Variants in MST1R observed in about 807,000 individuals in gnomAD.
MST1R encodes the protein macrophage-stimulating protein receptor.
Under a neutral mutation model 117.8 loss-of-function variants are expected in MST1R, and 99 were observed. The observed-to-expected ratio is 0.84, with a 90% CI of 0.71 to 0.99. MST1R has a LOEUF of 0.99. Ranked by LOEUF, MST1R falls within the 50% of genes least tolerant of loss-of-function variation. The pLI is 0.00. For synonymous variants in MST1R, 734 were observed against 765.3 expected, an observed-to-expected ratio of 0.96 and a Z score of 0.68; for missense variants, 1,683 against 1,840.2, an observed-to-expected ratio of 0.91 and a Z score of 1.56.
chr3:49,897,994 G>A (rs1312190913), intron 5 of MST1R, 57 bp downstream of exon 5: 3 of 1,610,748 alleles, frequency 1.9e-6, no homozygotes, highest in Admixed American at 1.7e-5. Context: ...GTCTCATGGG[G>A]AAGGGGCTGC....
chr3:49,891,115 G>T, intron 17 of MST1R, 82 bp downstream of exon 17: 2 of 1,240,742 alleles, frequency 1.6e-6, no homozygotes, highest in Non-Finnish European at 2.3e-6. Context: ...GCTGGAGTGG[G>T]CCCTTCCCTG....
chr3:49,896,928 T>C, intron 7 of MST1R, 38 bp from the exon 8 acceptor site: 1 of 1,458,614 alleles, frequency 6.9e-7, no homozygotes, highest in Non-Finnish European at 9.1e-7. Context: ...GTTACCCTCT[T>C]TGTGATGGCC....
Position 49,891,075 on chromosome 3 carries a change from A to G in MST1R, c.3644+122T>C, listed in dbSNP as rs1575424936. The G allele has an allele frequency of 1.5e-5, 14 of 924,854 alleles. No homozygotes were observed. In the East Asian group the frequency reaches 3.5e-4, roughly 23 times the overall value. 57.3% of individuals were successfully genotyped at this position (924,854 alleles called of 1,614,324 possible). A position where few individuals can be genotyped will look rare whatever the true frequency, so the allele number is the denominator to read the frequency against. On this transcript the variant is annotated intron_variant, in intron 17 of 19. Transcript: ENST00000296474. ...TCCAAGTCTGCACTGGGCAGACAAA[A>G]AAAGTAAGGTGCAGAGAGGGGAGGA...
In MST1R at chr3:49,897,397, A is replaced by C; in HGVS notation, c.2066T>G (p.Val689Gly). The change falls in exon 7 of 20, where the codon GTG becomes GGG. Residue 689 changes from valine (V) to glycine (G), a missense_variant. Val to Gly is a moderately radical substitution (Grantham distance 109, BLOSUM62 -3). Coordinates refer to ENST00000296474, the MANE Select transcript of MST1R (RefSeq NM_002447.4). ...FSFMEPVLIA[V>G]QPLFGPRAGG... ...TGCCCGTGGGCCAAAGAGGGGTTGC[A>C]CTGCTATCAGCACTGGCTCCTAAGA... The C allele has an allele frequency of 1.2e-6, 2 of 1,613,682 alleles. No individual in the cohort carries two copies. Among genetic ancestry groups the C allele is most frequent in the Non-Finnish European group, 1.7e-6 (2 of 1,179,836 alleles).
rs1354570477 is a variant in MST1R at position 49,896,452 on chromosome 3, T to C, written c.2440-48A>G. 8 of 1,606,158 alleles carry C rather than the reference T, an allele frequency of 5.0e-6. No individual in the cohort carries two copies. The South Asian group carries it at 7.7e-5, about 16-fold the overall frequency. ...GATTAGCCAGGAACCCCACCTGTGA[T>C]TGCTCCTCGCCTCAGCCCAGCACGA... On this transcript the variant is annotated intron_variant, in intron 9 of 19. Transcript: ENST00000296474.
chr3:49,896,626 G>A lies in MST1R; in HGVS notation c.2353C>T (p.His785Tyr), dbSNP rs199894526. ...AGATGCTGGCCACAGATGGTGATGT[G>A]GGAGTTGCTGTGGAAGAGGGTAGGG... ...ISPNCGYINS[H>Y]ITICGQHLTS... is the part of the protein sequence containing the mutation. The change falls in exon 9 of 20, where the codon CAC (histidine) becomes TAC (tyrosine). Residue 785 changes from histidine to tyrosine, a missense_variant. Transcript: ENST00000296474. 388 of 1,614,032 alleles carry A rather than the reference G, an allele frequency of 2.4e-4. 1 individual carries two copies. Among genetic ancestry groups the A allele is most frequent in the Middle Eastern group, 3.3e-4 (2 of 6,084 alleles).
Position 49,895,723 on chromosome 3 carries a change from TTCC to T in MST1R, c.2951_2953del (p.Arg984del), listed in dbSNP as rs1413506170. 6.2e-6 allele frequency: 10 copies of T among 1,612,286 alleles called. No individual in the cohort carries two copies. The African/African-American group carries it at 1.2e-4, about 19-fold the overall frequency. ...AGGAGCAGAGAACTCACCTAGCTGC[TTCC>T]TCCGCCACCAGTAGCTGAAGACCAG... On this transcript the variant is annotated inframe_deletion, in exon 12 of 20. Transcript: ENST00000296474.
In MST1R at chr3:49,895,200, C is replaced by T; in HGVS notation, c.3238G>A (p.Val1080Met). 6.2e-7 allele frequency: 1 copy of T among 1,614,186 alleles called. No individual in the cohort carries two copies. Among genetic ancestry groups the T allele is most frequent in the Non-Finnish European group, 8.5e-7 (1 of 1,180,040 alleles). ...VKDVLIPHER[V>M]VTHSDRVIGK... ...ATGACTCGGTCACTGTGGGTGACCA[C>T]CCGCTCATGGGGAATCAGCACATCC... The change falls in exon 14 of 20, where the codon GTG (valine) becomes ATG (methionine). Residue 1080 changes from valine (V) to methionine (M), a missense_variant. Transcript: ENST00000296474.
Position 49,887,568 on chromosome 3 carries a change from G to T in MST1R, c.3948-6C>A. On this transcript the variant is annotated splice_polypyrimidine_tract_variant and splice_region_variant and intron_variant, in intron 19 of 19. Coordinates refer to ENST00000296474, the MANE Select transcript of MST1R (RefSeq NM_002447.4). ...ATTGCTGCATCACTTGGTACCTGTT[G>T]GGGGAAAGGGATGTCAGGTTAAGGC... 1.2e-6 allele frequency: 2 copies of T among 1,612,992 alleles called. No individual in the cohort carries two copies. Among genetic ancestry groups the T allele is most frequent in the Non-Finnish European group, 1.7e-6 (2 of 1,179,346 alleles).
chr3:49,888,225 A>G (rs952053850), intron 19 of MST1R, among the ~76,000 whole-genome samples: 3 of 151,672 alleles, frequency 2.0e-5, no homozygotes, highest in African/African-American at 4.8e-5. Flanking sequence ...TCACGAGGTC[A>G]GGAGATCGAG....
At chr3:49,890,199 C>T (rs1373300272) in intron 18 of MST1R, 139 bp from the exon 19 acceptor site, 8 of 1,114,372 alleles carry the variant, frequency 7.2e-6, no homozygotes, top group African/African-American at 4.7e-5. Flanking sequence ...TTCCTCAATA[C>T]ATCACCTGTG....
intron 19 of MST1R, 49 bp downstream of exon 19, chr3:49,889,875 A>G: frequency 6.2e-7 from 1 of 1,609,964 alleles, no homozygotes; most frequent in Non-Finnish European, 8.5e-7. Flanking sequence ...TGTCTCTTCC[A>G]TGTCTCTGGG....
chr3:49,899,301 GCCTTGTGC>G (rs2082589765), intron 1 of MST1R, 38 bp from the exon 2 acceptor site: 1 of 1,609,706 alleles, frequency 6.2e-7, no homozygotes, highest in Non-Finnish European at 8.5e-7. Context: ...TCAGGGTTCA[GCCTTGTGC>G]CCCGACCCTC....
chr3:49,890,206 T>C (rs2108374261), intron 18 of MST1R, 146 bp from the exon 19 acceptor site: 1 of 1,082,826 alleles, frequency 9.2e-7, no homozygotes, highest in Non-Finnish European at 1.3e-6. Context: ...ATACATCACC[T>C]GTGTCTTTCC....
intron 18 of MST1R, 42 bp from the exon 19 acceptor site, chr3:49,890,102 T>C: frequency 6.5e-7 from 1 of 1,546,650 alleles, no homozygotes; most frequent in African/African-American, 1.4e-5. Flanking sequence ...TCACCCCAAA[T>C]TTGGGGGCAG....
Position 49,896,531 on chromosome 3 carries a change from C to G in MST1R, c.2439+9G>C, listed in dbSNP as rs1471785864. 6.2e-7 allele frequency: 1 copy of G among 1,614,048 alleles called. No individual in the cohort carries two copies. Among genetic ancestry groups the G allele is most frequent in the African/African-American group, 1.3e-5 (1 of 75,052 alleles). On this transcript the variant is annotated intron_variant, in intron 9 of 19. Transcript: ENST00000296474. ...CAGCCTTCCTCCCTCCTGGCCAGCA[C>G]TCACTCACCCTGCTTTCCACTGCCC...
intron 17 of MST1R, 79 bp from the exon 18 acceptor site, chr3:49,890,729 A>ATT (rs373581213): frequency 7.6e-4 from 865 of 1,145,464 alleles, no homozygotes; most frequent in South Asian, 1.5e-3. Flanking sequence ...CCCTTACAGA[A>ATT]TTTTTTTTTT....
rs149428633 is a variant in MST1R at position 49,896,741 on chromosome 3, T to G, written c.2333A>C (p.Asn778Thr). 1.3e-3 allele frequency: 2,102 copies of G among 1,593,204 alleles called. 5 individuals carry two copies. Among genetic ancestry groups the G allele is most frequent in the Non-Finnish European group, 1.6e-3 (1,831 of 1,168,752 alleles). Residue 778 changes from asparagine to threonine, a missense_variant, in exon 8 of 20, where the codon AAC (asparagine) becomes ACC (threonine). Physicochemically the swap from Asn to Thr is moderately conservative, Grantham distance 65 (BLOSUM62 0). Transcript: ENST00000296474. ...AGGCAGTGCTTACATGTAGCCACAG[T>G]TGGGGCTGATGCTTAGCACGACAGG... ...EDPVVLSISP[N>T]CGYINSHITI...
In MST1R at chr3:49,896,440, C is replaced by T. The variant is rs780499602; in HGVS notation, c.2440-36G>A. ...CAATATGAGAGTGATTAGCCAGGAACCCCACCTGTGATTGCTCCTCGCCTC... is the reference window on the plus strand; with the variant it reads ...CAATATGAGAGTGATTAGCCAGGAATCCCACCTGTGATTGCTCCTCGCCTC... On this transcript the variant is annotated intron_variant, in intron 9 of 19. Transcript: ENST00000296474. The T allele has an allele frequency of 1.2e-5, 19 of 1,606,166 alleles. No homozygotes were observed. In the Admixed American group the frequency reaches 1.5e-4, roughly 13 times the overall value.
Sources: gnomAD v4.1 joint callset for allele counts (sites outside exome capture counted in the v4.1 genomes callset) on GRCh38, gnomAD v4.1.1 for gene constraint, MANE v1.5 for transcripts, NCBI Gene and HGNC (gene_info 2026-07-23, HGNC 2026-07-21) for gene names.